The following TRAFD1 variants were observed in gnomAD, a reference collection of about 807,000 sequenced individuals.
TRAFD1 encodes the protein TRAF-type zinc finger domain-containing protein 1.
In TRAFD1, 38 loss-of-function variants were observed where a neutral mutation model predicts 65.3. The observed-to-expected ratio is 0.58, with a 90% CI of 0.45 to 0.76. TRAFD1 has a LOEUF of 0.76. Ranked by LOEUF, TRAFD1 falls within the 30% of genes least tolerant of loss-of-function variation. The pLI is 0.00. For missense variants in TRAFD1, 631 were observed against 712.6 expected (o/e 0.89, Z 1.30); for synonymous variants, 223 against 257.2 (o/e 0.87, Z 1.27).
chr12:112,136,111 A>T (rs1226466546), intron 4 of TRAFD1, among the ~76,000 whole-genome samples: 1 of 150,524 alleles, frequency 6.6e-6, no homozygotes, highest in Admixed American at 6.6e-5. Context: ...CCTGGATGAC[A>T]GGGTGAGACT....
Position 112,149,693 on chromosome 12 carries a change from T to C in TRAFD1, c.1159-58T>C, listed in dbSNP as rs2030347600. The C allele has an allele frequency of 5.6e-6, 9 of 1,607,538 alleles. No homozygotes were observed. The South Asian group carries it at 9.9e-5, about 18-fold the overall frequency. On this transcript the variant is annotated intron_variant, in intron 8 of 11. Transcript: ENST00000412615. ...ATACACTGCTGTTCCTCCCATCGCATGCTCTTTTCTGGGAATGACTCAATT... is the reference window on the plus strand; with the variant it reads ...ATACACTGCTGTTCCTCCCATCGCACGCTCTTTTCTGGGAATGACTCAATT...
intron 7 of TRAFD1, 100 bp from the exon 8 acceptor site, chr12:112,147,974 T>A: frequency 3.5e-6 from 4 of 1,155,938 alleles, no homozygotes; most frequent in Non-Finnish European, 4.9e-6. Flanking sequence ...CGGCCAAGCA[T>A]TGTTAAAATT....
intron 4 of TRAFD1, among the ~76,000 whole-genome samples, chr12:112,139,750 C>T (rs1028124855): frequency 3.3e-5 from 5 of 152,248 alleles, no homozygotes; most frequent in South Asian, 2.1e-4. Flanking sequence ...ATAAATAACA[C>T]GGATTTGCTA....
chr12:112,127,321 T>C (rs963651035), intron 1 of TRAFD1, among the ~76,000 whole-genome samples: 1 of 152,238 alleles, frequency 6.6e-6, no homozygotes, highest in Non-Finnish European at 1.5e-5. Flanking sequence ...TATTTGTCAG[T>C]ATACTTTTCC....
intron 2 of TRAFD1, chr12:112,133,098 C>T (rs890017343): frequency 5.3e-5 from 8 of 152,176 alleles, no homozygotes; most frequent in Admixed American, 2.0e-4. Flanking sequence ...TGGTCTTACT[C>T]TTTCATGTAA....
At position 112,152,679 on chromosome 12, in the gene TRAFD1, A is replaced by G; in HGVS notation, c.1693-56A>G. 1 of 1,613,096 alleles carries G rather than the reference A, an allele frequency of 6.2e-7. No individual in the cohort carries two copies. The highest frequency in any genetic ancestry group is 8.5e-7 in the Non-Finnish European group (1 of 1,179,216). On this transcript the variant is annotated intron_variant, in intron 11 of 11. Transcript: ENST00000412615. The surrounding 1 kb of genome is among the most constrained non-coding windows in gnomAD (Gnocchi z 5.0). ...GACATTTTCGGGGATCCAGGGGAGGAGTAATGCTTTTTCACTTTTTATGTA... is the reference window on the plus strand; with the variant it reads ...GACATTTTCGGGGATCCAGGGGAGGGGTAATGCTTTTTCACTTTTTATGTA...
At chr12:112,133,646 G>A (rs1337980209) in intron 2 of TRAFD1, among the ~76,000 whole-genome samples, 1 of 151,852 alleles carries the variant, frequency 6.6e-6, no homozygotes, top group African/African-American at 2.4e-5. Flanking sequence ...GCTTTTAGAT[G>A]TAGTAGTGCA....
At chr12:112,145,538 AGTTT>A (rs1566050582) in intron 6 of TRAFD1, 44 bp from the exon 7 acceptor site, 1 of 1,588,406 alleles carries the variant, frequency 6.3e-7, no homozygotes, top group South Asian at 1.1e-5. Flanking sequence ...GTTAAATTCA[AGTTT>A]GTTTTTGTTC....
chr12:112,146,998 T>TTTG (rs1234385691), intron 7 of TRAFD1, among the ~76,000 whole-genome samples: 1 of 122,020 alleles, frequency 8.2e-6, no homozygotes, highest in Non-Finnish European at 1.6e-5. Flanking sequence ...TTTTTTTTTT[T>TTTG]TTTTTTTTTT....
In TRAFD1 at chr12:112,145,552, C is replaced by G. The variant is rs898486429; in HGVS notation, c.851-34C>G. On this transcript the variant is annotated intron_variant, in intron 6 of 11. Coordinates refer to ENST00000412615, the MANE Select transcript of TRAFD1 (RefSeq NM_006700.3). ...AGTTAAATTCAAGTTTGTTTTTGTT[C>G]ATCCTGAGTCTCATTGTGTGGCCTA... 22 of 1,604,922 alleles carry G rather than the reference C, an allele frequency of 1.4e-5. No homozygotes were observed. The Admixed American group carries it at 2.8e-4, about 20-fold the overall frequency.
At position 112,140,953 on chromosome 12, in the gene TRAFD1, T is replaced by G. The variant is rs146944659; in HGVS notation, c.372T>G (p.Leu124=). The change falls in exon 5 of 12, where the codon CTT becomes CTG. Residue 124 remains leucine, a synonymous_variant. Coordinates refer to ENST00000412615, the MANE Select transcript of TRAFD1 (RefSeq NM_006700.3). ...GTGGCAACTGTGGTCGCAATGTCCT[T>G]GTGAAAGATCTGAAGACTCACCCTG... ...ELCGNCGRNV[L]VKDLKTHPEV... is the part of the protein sequence containing the mutation. The G allele has an allele frequency of 1.2e-6, 2 of 1,614,046 alleles. No homozygotes were observed. Among genetic ancestry groups the G allele is most frequent in the African/African-American group, 2.7e-5 (2 of 74,914 alleles).
chr12:112,132,655 G>T (rs1346815198), intron 2 of TRAFD1, among the ~76,000 whole-genome samples: 1 of 152,116 alleles, frequency 6.6e-6, no homozygotes, highest in Non-Finnish European at 1.5e-5. Context: ...GGGGTCCCTA[G>T]CTTGATAATT....
intron 2 of TRAFD1, among the ~76,000 whole-genome samples, chr12:112,131,999 T>C (rs1342790343): frequency 1.3e-5 from 2 of 152,320 alleles, no homozygotes; most frequent in East Asian, 1.9e-4. Flanking sequence ...GGGCCTTGTG[T>C]ATGTAGTATG....
intron 7 of TRAFD1, among the ~76,000 whole-genome samples, chr12:112,146,225 C>CAA (rs766339761): frequency 1.9e-3 from 126 of 66,800 alleles, no homozygotes; most frequent in East Asian, 8.0e-3. Context: ...GAAATAACAG[C>CAA]AAAAAAAAAA....
At chr12:112,133,618 T>G in intron 2 of TRAFD1, among the ~76,000 whole-genome samples, 1 of 152,172 alleles carries the variant, frequency 6.6e-6, no homozygotes, top group East Asian at 1.9e-4. Context: ...AGCTCTGACT[T>G]TGAGAAAGTA....
chr12:112,133,008 T>C (rs1471550013), intron 2 of TRAFD1: 1 of 152,252 alleles, frequency 6.6e-6, no homozygotes, highest in Non-Finnish European at 1.5e-5. Context: ...ACAATGGTCC[T>C]ATCCAAATAA....
At chr12:112,138,616 G>A (rs932296783) in intron 4 of TRAFD1, among the ~76,000 whole-genome samples, 4 of 151,592 alleles carry the variant, frequency 2.6e-5, no homozygotes, top group East Asian at 1.9e-4. Context: ...CCAGCACTTC[G>A]GGAGGCTGAG....
rs1425059472 is a variant in TRAFD1 at position 112,125,613 on chromosome 12, T to A, written c.-18T>A. ...TGTCAACTCAGCGTTTCTCCTCTCG[T>A]CCCTGGTGAGGTGTAGCGGCGGCAC... On this transcript the variant is annotated 5_prime_UTR_variant, in exon 1 of 12. Coordinates refer to ENST00000412615, the MANE Select transcript of TRAFD1 (RefSeq NM_006700.3). 1 of 152,726 alleles carries A rather than the reference T, an allele frequency of 6.5e-6. No homozygotes were observed. 9.5% of individuals were successfully genotyped at this position (152,726 alleles called of 1,614,324 possible). A position where few individuals can be genotyped will look rare whatever the true frequency, so the allele number is the denominator to read the frequency against.
At chr12:112,141,336 A>G in intron 5 of TRAFD1, 112 bp downstream of exon 5, 1 of 1,249,246 alleles carries the variant, frequency 8.0e-7, no homozygotes, top group Non-Finnish European at 1.1e-6. Flanking sequence ...ACTGTAGCTG[A>G]GTAACACTGG....
Sources: gnomAD v4.1 joint callset for allele counts (sites outside exome capture counted in the v4.1 genomes callset) on GRCh38, gnomAD v4.1.1 for gene constraint, Gnocchi (gnomAD v3.1) non-coding constraint, MANE v1.5 for transcripts, NCBI Gene and HGNC (gene_info 2026-07-23, HGNC 2026-07-21) for gene names.